The following DOCK1 variants were observed in gnomAD, a reference collection of about 807,000 sequenced individuals.
The protein encoded by DOCK1 is dedicator of cytokinesis 1.
DOCK1 carries 138 observed loss-of-function variants against 262.7 expected under a neutral mutation model. The ratio of observed to expected loss-of-function variants is 0.53; its 90% CI spans 0.46 to 0.61. The LOEUF is 0.61. Among genes scored for constraint, DOCK1 ranks in the 20% least tolerant of loss-of-function variants. The probability of loss-of-function intolerance (pLI) is 0.00; values close to 1 mark genes in which losing one functional copy is unlikely to be tolerated. For synonymous variants in DOCK1, 866 were observed against 867.4 expected (o/e 1.00, Z 0.03); for missense variants, 1,908 against 2,370.7 (o/e 0.80, Z 4.05).
chr10:127,273,143 A>C (rs952903603), intron 29 of DOCK1, among the ~76,000 whole-genome samples: 5 of 152,204 alleles, frequency 3.3e-5, no homozygotes, highest in Non-Finnish European at 7.3e-5. Flanking sequence ...GGAAAACACT[A>C]AAGTGAAGTT....
rs747478024 is a variant in DOCK1, at chr10:127,037,791, A to G, written c.1985A>G (p.Lys662Arg). 5 of 1,598,608 alleles carry G rather than the reference A, an allele frequency of 3.1e-6. No individual in the cohort carries two copies. The highest frequency in any genetic ancestry group is 4.3e-6 in the Non-Finnish European group (5 of 1,172,810). Reference sequence around the variant, plus strand: ...CAGCAGAACTTGAGGCAGCTGATGAAAGTCGATGGTGGTGAAGTAGTGAAG... The same window carrying G: ...CAGCAGAACTTGAGGCAGCTGATGAGAGTCGATGGTGGTGAAGTAGTGAAG... The part of the protein sequence containing the change: ...LLQQNLRQLM[K>R]VDGGEVVKFL... The change falls in exon 19 of 52, where the codon AAA becomes AGA. Residue 662 changes from lysine to arginine, a missense_variant. Coordinates refer to ENST00000623213, the MANE Select transcript of DOCK1 (RefSeq NM_001290223.2).
intron 38 of DOCK1, among the ~76,000 whole-genome samples, chr10:127,396,171 G>A (rs543752895): frequency 3.4e-5 from 5 of 148,422 alleles, no homozygotes; most frequent in Non-Finnish European, 6.0e-5. Flanking sequence ...CAAGAATCCC[G>A]GGCCAGGTTA....
At chr10:127,173,773 T>G (rs2054806707) in intron 27 of DOCK1, among the ~76,000 whole-genome samples, 1 of 152,190 alleles carries the variant, frequency 6.6e-6, no homozygotes, top group Non-Finnish European at 1.5e-5. Context: ...TGCTTTTGGA[T>G]CTGTACTGAT....
intron 1 of DOCK1, among the ~76,000 whole-genome samples, chr10:126,942,223 C>T (rs1202041515): frequency 6.6e-6 from 1 of 152,112 alleles, no homozygotes; most frequent in South Asian, 2.1e-4. Flanking sequence ...CAGGGTTTCA[C>T]CATGTTAGCC....
At chr10:127,080,851 T>C (rs1388102067) in intron 23 of DOCK1, among the ~76,000 whole-genome samples, 3 of 152,220 alleles carry the variant, frequency 2.0e-5, no homozygotes, top group Admixed American at 1.3e-4. Flanking sequence ...TTAGCCACCC[T>C]GCAATTTGCC....
At chr10:127,138,226 C>G (rs1461271918) in intron 27 of DOCK1, among the ~76,000 whole-genome samples, 8 of 152,200 alleles carry the variant, frequency 5.3e-5, no homozygotes, top group Non-Finnish European at 1.2e-4. Flanking sequence ...AAATAACTTA[C>G]TTGCTTCTGT....
chr10:127,332,989 C>G (rs964735341), intron 29 of DOCK1, among the ~76,000 whole-genome samples: 9 of 152,200 alleles, frequency 5.9e-5, no homozygotes, highest in Non-Finnish European at 1.0e-4. Flanking sequence ...AAGGCAAATT[C>G]CCAGCTACTG....
intron 31 of DOCK1, among the ~76,000 whole-genome samples, chr10:127,352,429 C>T (rs900941275): frequency 1.3e-5 from 2 of 152,192 alleles, no homozygotes; most frequent in East Asian, 1.9e-4. Flanking sequence ...TTACCCAAAC[C>T]GCAAGTGGAA....
At chr10:127,194,622 G>A (rs1229918743) in intron 27 of DOCK1, among the ~76,000 whole-genome samples, 1 of 152,130 alleles carries the variant, frequency 6.6e-6, no homozygotes, top group Non-Finnish European at 1.5e-5. Flanking sequence ...CTTGTGAGTG[G>A]TATTTTTTCA....
intron 38 of DOCK1, among the ~76,000 whole-genome samples, chr10:127,402,183 G>C (rs2134312379): frequency 1.3e-5 from 2 of 152,218 alleles, no homozygotes; most frequent in Admixed American, 1.3e-4. Flanking sequence ...ATTCTCTGAG[G>C]AGGAATGACA....
chr10:126,993,566 A>G (rs772016700), intron 6 of DOCK1, among the ~76,000 whole-genome samples: 1 of 152,218 alleles, frequency 6.6e-6, no homozygotes, highest in African/African-American at 2.4e-5. Context: ...CATATTACAA[A>G]AATAACTAAT....
intron 23 of DOCK1, among the ~76,000 whole-genome samples, chr10:127,083,766 A>C (rs1279606787): frequency 6.6e-6 from 1 of 152,240 alleles, no homozygotes; most frequent in African/African-American, 2.4e-5. Flanking sequence ...AATCTTTAAG[A>C]AGCCATTTAA....
intron 25 of DOCK1, among the ~76,000 whole-genome samples, chr10:127,115,504 T>C (rs2132940088): frequency 6.6e-6 from 1 of 152,360 alleles, no homozygotes; most frequent in South Asian, 2.1e-4. Context: ...CAAAGCTTCA[T>C]CATTTGTGCA....
At chr10:127,320,178 A>C (rs1000142647) in intron 29 of DOCK1, among the ~76,000 whole-genome samples, 1 of 152,120 alleles carries the variant, frequency 6.6e-6, no homozygotes, top group Admixed American at 6.5e-5. Context: ...CCTTGCAGAC[A>C]CTGACCTTTG....
intron 27 of DOCK1, among the ~76,000 whole-genome samples, chr10:127,142,405 A>C (rs1592194316): frequency 6.6e-6 from 1 of 151,962 alleles, no homozygotes; most frequent in Admixed American, 6.6e-5. Flanking sequence ...TGCTGGAGGG[A>C]TCTGGTGTTT....
chr10:127,376,195 C>T (rs1211745472), intron 35 of DOCK1, among the ~76,000 whole-genome samples: 1 of 152,144 alleles, frequency 6.6e-6, no homozygotes, highest in Admixed American at 6.5e-5. Context: ...GTAGATAAAA[C>T]ATAAAAGAAG....
chr10:126,938,142 G>A (rs2034684162), intron 1 of DOCK1, among the ~76,000 whole-genome samples: 1 of 151,904 alleles, frequency 6.6e-6, no homozygotes, highest in Middle Eastern at 3.2e-3. Flanking sequence ...TGCCTCCTGG[G>A]TTCAAGCTAT....
intron 29 of DOCK1, among the ~76,000 whole-genome samples, chr10:127,289,726 T>A (rs529112641): frequency 6.6e-6 from 1 of 152,172 alleles, no homozygotes; most frequent in African/African-American, 2.4e-5. Context: ...GTTTCTATAC[T>A]GCTTAGAGTT....
intron 1 of DOCK1, among the ~76,000 whole-genome samples, chr10:126,919,347 T>C (rs376528479): frequency 5.9e-4 from 90 of 152,250 alleles, no homozygotes; most frequent in Non-Finnish European, 5.1e-4. Context: ...GTGATTATTT[T>C]CCTTTCTAAT....
Sources: allele counts gnomAD v4.1 joint callset (sites outside exome capture counted in the v4.1 genomes callset), GRCh38; gene constraint gnomAD v4.1.1; transcripts MANE v1.5; gene names NCBI Gene and HGNC (gene_info 2026-07-23, HGNC 2026-07-21).